SFT2D2: variants seen among roughly 807,000 people sequenced by gnomAD.
SFT2D2 encodes the protein vesicle transport protein SFT2B.
In SFT2D2, 21 loss-of-function variants were observed where a neutral mutation model predicts 27.4. The ratio of observed to expected loss-of-function variants is 0.77; its 90% CI spans 0.54 to 1.10. The LOEUF is 1.10. Ranked by LOEUF, SFT2D2 falls within the 50% of genes least tolerant of loss-of-function variation. The pLI, the probability that SFT2D2 is intolerant of heterozygous loss-of-function variation, is 0.00. For missense variants in SFT2D2, 187 were observed against 194.2 expected (o/e 0.96, Z 0.22); for synonymous variants, 72 against 71.7 (o/e 1.00, Z -0.02).
chr1:168,246,370 C>A lies in SFT2D2; in HGVS notation c.*3830C>A. The stretch of plus-strand genomic sequence containing the variant: ...AGTTGACATAATCTTACTTGCTTTT[C>A]TGTGCATTTTTCTACTTTATCTTGG... On this transcript the variant is annotated 3_prime_UTR_variant, in exon 8 of 8. Coordinates refer to ENST00000271375, the MANE Select transcript of SFT2D2 (RefSeq NM_199344.3). 1.8e-6 allele frequency: 1 copy of A among 552,612 alleles called. No individual in the cohort carries two copies. The highest frequency in any genetic ancestry group is 3.0e-6 in the Non-Finnish European group (1 of 331,756). The allele number at this position is 552,612 out of a possible 1,614,324, so 34.2% of individuals were successfully genotyped here. A position where few individuals can be genotyped will look rare whatever the true frequency, so the allele number is the denominator to read the frequency against.
rs576310298 is a variant in SFT2D2, at chr1:168,243,188, C to CT, written c.*653dup. Reference sequence around the variant, plus strand: ...TATTTTCTGACATTAGGTGCAGACTCTTTTTCTCTTGGGTTTTATTTCCCA... The same window carrying CT: ...TATTTTCTGACATTAGGTGCAGACTCTTTTTTCTCTTGGGTTTTATTTCCCA... On this transcript the variant is annotated 3_prime_UTR_variant, in exon 8 of 8. Coordinates refer to ENST00000271375, the MANE Select transcript of SFT2D2 (RefSeq NM_199344.3). The CT allele has an allele frequency of 6.6e-6, 1 of 152,266 alleles. No individual in the cohort carries two copies. The highest frequency in any genetic ancestry group is 2.4e-5 in the African/African-American group (1 of 41,394). The allele number at this position is 152,266 out of a possible 1,614,324, so 9.4% of individuals were successfully genotyped here.
rs74121080 is a variant in SFT2D2 at position 168,242,645 on chromosome 1, A to G, written c.*105A>G. 2,621 of 1,346,582 alleles carry G rather than the reference A, an allele frequency of 1.9e-3. 41 individuals are homozygous for G. The African/African-American group carries it at 0.033, about 17-fold the overall frequency. The allele number at this position is 1,346,582 out of a possible 1,614,324, so 83.4% of individuals were successfully genotyped here. A position where few individuals can be genotyped will look rare whatever the true frequency, so the allele number is the denominator to read the frequency against. ...TCTGTCTTACAGACATGTGCCTTTT[A>G]TCTTGCAGCAATGTGTTGCTTGTGA... On this transcript the variant is annotated 3_prime_UTR_variant, in exon 8 of 8. Coordinates refer to ENST00000271375, the MANE Select transcript of SFT2D2 (RefSeq NM_199344.3).
chr1:168,226,212 G>A, intron 1 of SFT2D2, 70 bp downstream of exon 1: 2 of 1,410,946 alleles, frequency 1.4e-6, no homozygotes, highest in Non-Finnish European at 1.9e-6. Flanking sequence ...CCGGGCCTGG[G>A]AAGCCTGCGG....
At chr1:168,240,118 T>C (rs1260172936) in intron 7 of SFT2D2, among the ~76,000 whole-genome samples, 1 of 141,302 alleles carries the variant, frequency 7.1e-6, no homozygotes, top group African/African-American at 2.7e-5. Flanking sequence ...GAGCTTGCAG[T>C]GAGTCGAGAT....
Position 168,251,179 on chromosome 1 carries a change from G to A in SFT2D2, c.*8639G>A, listed in dbSNP as rs1056797636. The A allele has an allele frequency of 1.3e-5, 2 of 152,058 alleles. No individual in the cohort carries two copies. Among genetic ancestry groups the A allele is most frequent in the Non-Finnish European group, 2.9e-5 (2 of 68,040 alleles). 9.4% of individuals were successfully genotyped at this position (152,058 alleles called of 1,614,324 possible). ...GCAAAAAAATCAGCCAGGCTAGCTG[G>A]TGTGCGCCTATAATCCCAGCTACTT... On this transcript the variant is annotated 3_prime_UTR_variant, in exon 8 of 8. Transcript: ENST00000271375.
In SFT2D2 at chr1:168,246,505, T is replaced by G. The variant is rs1558180027; in HGVS notation, c.*3965T>G. 2 of 1,467,160 alleles carry G rather than the reference T, an allele frequency of 1.4e-6. No individual in the cohort carries two copies. The highest frequency in any genetic ancestry group is 1.9e-6 in the Non-Finnish European group (2 of 1,076,262). The allele number at this position is 1,467,160 out of a possible 1,614,324, so 90.9% of individuals were successfully genotyped here. ...TTCTTTCAGAGCCTCTCTTGTGTTA[T>G]GGAGCTCAGTTTTGAGGCACCTGGA... is the stretch of plus-strand genomic sequence containing the variant. On this transcript the variant is annotated 3_prime_UTR_variant, in exon 8 of 8. Coordinates refer to ENST00000271375, the MANE Select transcript of SFT2D2 (RefSeq NM_199344.3).
chr1:168,228,221 G>T lies in SFT2D2; in HGVS notation c.63+2079G>T, dbSNP rs532858467. 4.2e-3 allele frequency among the ~76,000 whole-genome samples: 640 copies of T among 152,292 alleles called. 1 individual carries two copies. The highest frequency in any genetic ancestry group is 5.3e-3 in the Non-Finnish European group (359 of 68,030). ...CTTAGTGTTTACTGATTAGGTCAGA[G>T]CCTCCTTTAAAATATTGGTACTGAT... is the stretch of plus-strand genomic sequence containing the variant. On this transcript the variant is annotated intron_variant, in intron 1 of 7. Coordinates refer to ENST00000271375, the MANE Select transcript of SFT2D2 (RefSeq NM_199344.3).
chr1:168,237,247 G>A (rs1647528218), intron 6 of SFT2D2, among the ~76,000 whole-genome samples: 1 of 152,224 alleles, frequency 6.6e-6, no homozygotes, highest in Non-Finnish European at 1.5e-5. Context: ...CAGGAGATGA[G>A]GAACAGTCAC....
chr1:168,237,337 A>G (rs1034686657), intron 6 of SFT2D2, among the ~76,000 whole-genome samples: 1 of 152,230 alleles, frequency 6.6e-6, no homozygotes, highest in African/African-American at 2.4e-5. Context: ...TTGGTAATTC[A>G]GCTGAAGAGT....
At position 168,252,031 on chromosome 1, in the gene SFT2D2, C is replaced by T. The variant is rs1405172469; in HGVS notation, c.*9491C>T. 6.6e-6 allele frequency: 1 copy of T among 152,076 alleles called. No homozygotes were observed. The highest frequency in any genetic ancestry group is 6.6e-5 in the Admixed American group (1 of 15,266). 9.4% of individuals were successfully genotyped at this position (152,076 alleles called of 1,614,324 possible). A position where few individuals can be genotyped will look rare whatever the true frequency, so the allele number is the denominator to read the frequency against. ...CCACTTTGGTTATTTTCACTTCTAC[C>T]CTAAATTCATAGTCCCTGATACTTA... On this transcript the variant is annotated 3_prime_UTR_variant, in exon 8 of 8. Coordinates refer to ENST00000271375, the MANE Select transcript of SFT2D2 (RefSeq NM_199344.3).
chr1:168,246,917 A>AT lies in SFT2D2; in HGVS notation c.*4383dup, dbSNP rs1311772991. ...TTAAGTATTTCTTTTCCAGGATTTG[A>AT]TTTTTTATTGTGTGTATTTCCAGCC... On this transcript the variant is annotated 3_prime_UTR_variant, in exon 8 of 8. Coordinates refer to ENST00000271375, the MANE Select transcript of SFT2D2 (RefSeq NM_199344.3). 2 of 612,034 alleles carry AT rather than the reference A, an allele frequency of 3.3e-6. No individual in the cohort carries two copies. Among genetic ancestry groups the AT allele is most frequent in the Middle Eastern group, 3.0e-4 (1 of 3,374 alleles). The allele number at this position is 612,034 out of a possible 1,614,324, so 37.9% of individuals were successfully genotyped here. A position where few individuals can be genotyped will look rare whatever the true frequency, so the allele number is the denominator to read the frequency against.
chr1:168,240,975 C>A (rs1647630393), intron 7 of SFT2D2, among the ~76,000 whole-genome samples: 1 of 152,134 alleles, frequency 6.6e-6, no homozygotes, highest in South Asian at 2.1e-4. Context: ...CCAATGTGGA[C>A]CCTTCTGAGT....
At chr1:168,237,440 C>G (rs1290748358) in intron 6 of SFT2D2, among the ~76,000 whole-genome samples, 1 of 152,140 alleles carries the variant, frequency 6.6e-6, no homozygotes, top group Non-Finnish European at 1.5e-5. Context: ...ATGGTCCTTT[C>G]AAGCCTATAC....
chr1:168,242,928 CAG>C lies in SFT2D2; in HGVS notation c.*391_*392del. 3.6e-6 allele frequency: 1 copy of C among 275,250 alleles called. No individual in the cohort carries two copies. The highest frequency in any genetic ancestry group is 4.4e-5 in the Admixed American group (1 of 22,516). 17.1% of individuals were successfully genotyped at this position (275,250 alleles called of 1,614,324 possible). A position where few individuals can be genotyped will look rare whatever the true frequency, so the allele number is the denominator to read the frequency against. ...AGATCACGGGAGCAACAGTAAGGGACAGAGTTTTGGGGTCCACTTGTCCCTCA... is the reference window on the plus strand; with the variant it reads ...AGATCACGGGAGCAACAGTAAGGGACAGTTTTGGGGTCCACTTGTCCCTCA... On this transcript the variant is annotated 3_prime_UTR_variant, in exon 8 of 8. Transcript: ENST00000271375.
At chr1:168,232,472 C>T (rs1055623127) in intron 3 of SFT2D2, among the ~76,000 whole-genome samples, 2 of 152,214 alleles carry the variant, frequency 1.3e-5, no homozygotes, top group Non-Finnish European at 2.9e-5. Flanking sequence ...CCCTCTCCAA[C>T]TGGGAGCACT....
At position 168,226,016 on chromosome 1, in the gene SFT2D2, C is replaced by A. The variant is rs1214192080; in HGVS notation, c.-64C>A. The A allele has an allele frequency of 7.0e-7, 1 of 1,426,658 alleles. No homozygotes were observed. The highest frequency in any genetic ancestry group is 9.3e-7 in the Non-Finnish European group (1 of 1,073,882). 88.4% of individuals were successfully genotyped at this position (1,426,658 alleles called of 1,614,324 possible). A position where few individuals can be genotyped will look rare whatever the true frequency, so the allele number is the denominator to read the frequency against. The stretch of plus-strand genomic sequence containing the variant: ...GCGGCTGCCTAGCACCCGGAAGAGC[C>A]GTCAACTTAGCGAGCGCAACAGGCT... On this transcript the variant is annotated 5_prime_UTR_variant, in exon 1 of 8. Transcript: ENST00000271375.
intron 1 of SFT2D2, 105 bp downstream of exon 1, chr1:168,226,247 T>C: frequency 9.1e-6 from 9 of 987,880 alleles, no homozygotes; most frequent in Non-Finnish European, 1.3e-5. Context: ...TTCTGGACGG[T>C]AGCTCTGCCC....
At chr1:168,241,344 A>C (rs1469019391) in intron 7 of SFT2D2, among the ~76,000 whole-genome samples, 1 of 149,706 alleles carries the variant, frequency 6.7e-6, no homozygotes, top group African/African-American at 2.5e-5. Flanking sequence ...TGTGCACGCC[A>C]CCATGCCAGG....
At chr1:168,233,610 G>T (rs1015960433) in intron 3 of SFT2D2, among the ~76,000 whole-genome samples, 8 of 152,100 alleles carry the variant, frequency 5.3e-5, no homozygotes, top group Non-Finnish European at 1.0e-4. Context: ...GTCTCTTGTT[G>T]CCTGTAAAGC....
Sources: gnomAD v4.1 joint callset for allele counts (sites outside exome capture counted in the v4.1 genomes callset) on GRCh38, gnomAD v4.1.1 for gene constraint, MANE v1.5 for transcripts, NCBI Gene and HGNC (gene_info 2026-07-23, HGNC 2026-07-21) for gene names.